Variants in BRINP3 observed in about 807,000 individuals in gnomAD.
The protein encoded by BRINP3 is BMP/retinoic acid-inducible neural-specific protein 3.
A neutral mutation model predicts 71.0 loss-of-function variants in BRINP3; 19 were observed. The observed-to-expected ratio is 0.27, with a 90% CI of 0.19 to 0.39. The LOEUF (loss-of-function observed/expected upper bound fraction) is 0.39, where lower values mean the gene tolerates loss of function less well. Among genes scored for constraint, BRINP3 ranks in the 10% least tolerant of loss-of-function variants. The pLI, the probability that BRINP3 is intolerant of heterozygous loss-of-function variation, is 1.00. For missense variants in BRINP3, 959 were observed against 940.8 expected (o/e 1.02, Z -0.25); for synonymous variants, 380 against 337.7 (o/e 1.13, Z -1.37).
intron 4 of BRINP3, among the ~76,000 whole-genome samples, chr1:190,252,457 G>C (rs1660235306): frequency 1.3e-5 from 2 of 152,080 alleles, no homozygotes; most frequent in Non-Finnish European, 2.9e-5. Context: ...TGAAGCAGAA[G>C]AAATATGAGG....
At chr1:190,155,487 C>G (rs558718495) in intron 7 of BRINP3, among the ~76,000 whole-genome samples, 11 of 152,052 alleles carry the variant, frequency 7.2e-5, no homozygotes, top group African/African-American at 2.6e-4. Flanking sequence ...AAACTTTTAC[C>G]AACACTTCAT....
intron 7 of BRINP3, among the ~76,000 whole-genome samples, chr1:190,144,112 T>C (rs1042307776): frequency 5.9e-5 from 9 of 152,132 alleles, no homozygotes; most frequent in African/African-American, 1.9e-4. Flanking sequence ...TGTACAGGCA[T>C]AGGAGACACA....
rs1001865785 is a variant in BRINP3, at chr1:190,310,876, C to A, written c.237-29126G>T. Among the ~76,000 whole-genome samples the A allele has an allele frequency of 3.3e-5, 5 of 151,742 alleles. No individual in the cohort carries two copies. The East Asian group carries it at 9.7e-4, about 29-fold the overall frequency. ...AATAAATTAAATTAATAGATTAGCC[C>A]ATGATGCATAACAAAGCAGCTATTT... On this transcript the variant is annotated intron_variant, in intron 2 of 7. Transcript: ENST00000367462.
intron 7 of BRINP3, among the ~76,000 whole-genome samples, chr1:190,113,961 A>G (rs1397916267): frequency 6.6e-6 from 1 of 152,208 alleles, no homozygotes; most frequent in East Asian, 1.9e-4. Context: ...AGACTCAGGA[A>G]TCCTATGTGT....
intron 5 of BRINP3, among the ~76,000 whole-genome samples, chr1:190,229,643 AAAAC>A (rs1180914974): frequency 8.1e-5 from 7 of 86,458 alleles, no homozygotes; most frequent in African/African-American, 2.8e-4. Context: ...AAAACAAAAC[AAAAC>A]ACACACACAC....
chr1:190,200,861 C>T (rs1443914815), intron 6 of BRINP3, among the ~76,000 whole-genome samples: 1 of 152,078 alleles, frequency 6.6e-6, no homozygotes, highest in Non-Finnish European at 1.5e-5. Flanking sequence ...GATTGTGAGG[C>T]CTCCCAACCC....
intron 2 of BRINP3, among the ~76,000 whole-genome samples, chr1:190,415,506 A>T (rs1019952228): frequency 6.6e-6 from 1 of 152,216 alleles, no homozygotes; most frequent in African/African-American, 2.4e-5. Context: ...CACATCAGGG[A>T]ACAACTTTTA....
intron 6 of BRINP3, among the ~76,000 whole-genome samples, chr1:190,190,384 T>G (rs1199010523): frequency 1.3e-5 from 2 of 152,100 alleles, no homozygotes; most frequent in Non-Finnish European, 2.9e-5. Flanking sequence ...CTTTTTCCCA[T>G]CTTAAATGCA....
chr1:190,132,750 A>T (rs1654645441), intron 7 of BRINP3, among the ~76,000 whole-genome samples: 1 of 152,094 alleles, frequency 6.6e-6, no homozygotes, highest in Admixed American at 6.6e-5. Context: ...GGGCTTAATT[A>T]CCCTTTCCTT....
intron 2 of BRINP3, among the ~76,000 whole-genome samples, chr1:190,313,651 G>A (rs1268958770): frequency 1.3e-5 from 2 of 151,920 alleles, no homozygotes; most frequent in African/African-American, 2.4e-5. Context: ...TGGGCACTCT[G>A]ATAAGTACTG....
At chr1:190,451,406 T>G (rs1675596219) in intron 2 of BRINP3, among the ~76,000 whole-genome samples, 1 of 152,190 alleles carries the variant, frequency 6.6e-6, no homozygotes, top group Non-Finnish European at 1.5e-5. Flanking sequence ...GAGAAGATTA[T>G]ACATATCCTG....
chr1:190,398,705 T>C (rs185740931), intron 2 of BRINP3, among the ~76,000 whole-genome samples: 4 of 152,212 alleles, frequency 2.6e-5, no homozygotes, highest in South Asian at 4.1e-4. Flanking sequence ...CATAGTGTTT[T>C]ATGTTTACAT....
Position 190,184,330 on chromosome 1 carries a change from T to C in BRINP3, c.962-23440A>G, listed in dbSNP as rs144785353. Among the ~76,000 whole-genome samples the C allele has an allele frequency of 2.0e-3, 309 of 152,274 alleles. 1 individual carries two copies. The highest frequency in any genetic ancestry group is 7.1e-3 in the African/African-American group (296 of 41,586). ...CTGTGGAAAGCCATCTGAAGATTTCTCAAAGAACTTAAAACAGAGCTACCA... is the reference window on the plus strand; with the variant it reads ...CTGTGGAAAGCCATCTGAAGATTTCCCAAAGAACTTAAAACAGAGCTACCA... On this transcript the variant is annotated intron_variant, in intron 6 of 7. Coordinates refer to ENST00000367462, the MANE Select transcript of BRINP3 (RefSeq NM_199051.3).
At position 190,133,307 on chromosome 1, in the gene BRINP3, G is replaced by T. The variant is rs560240651; in HGVS notation, c.1184+27361C>A. Among the ~76,000 whole-genome samples, 5 of 152,154 alleles carry T rather than the reference G, an allele frequency of 3.3e-5. No individual in the cohort carries two copies. In the East Asian group the frequency reaches 7.7e-4, roughly 24 times the overall value. Reference sequence around the variant, plus strand: ...ATAATGTAAAATAGTTTATTATGTGGTTTTAAATGATTAATTTAACAAATA... The same window carrying T: ...ATAATGTAAAATAGTTTATTATGTGTTTTTAAATGATTAATTTAACAAATA... On this transcript the variant is annotated intron_variant, in intron 7 of 7. Coordinates refer to ENST00000367462, the MANE Select transcript of BRINP3 (RefSeq NM_199051.3).
intron 2 of BRINP3, among the ~76,000 whole-genome samples, chr1:190,453,868 C>G (rs151029820): frequency 1.4e-3 from 210 of 152,160 alleles, no homozygotes; most frequent in African/African-American, 4.9e-3. Context: ...AAACCATTAA[C>G]TAGGAATTGT....
At chr1:190,112,630 T>C (rs1156566544) in intron 7 of BRINP3, among the ~76,000 whole-genome samples, 3 of 152,216 alleles carry the variant, frequency 2.0e-5, no homozygotes, top group Non-Finnish European at 4.4e-5. Flanking sequence ...TTTTTCCTTT[T>C]CTAAAGAATC....
intron 1 of BRINP3, among the ~76,000 whole-genome samples, chr1:190,474,067 T>C (rs1278129853): frequency 1.3e-5 from 2 of 152,210 alleles, no homozygotes; most frequent in African/African-American, 4.8e-5. Flanking sequence ...GCAATGTTTT[T>C]AATGCATTTC....
At chr1:190,111,676 C>G (rs1052626751) in intron 7 of BRINP3, among the ~76,000 whole-genome samples, 2 of 152,136 alleles carry the variant, frequency 1.3e-5, no homozygotes, top group African/African-American at 4.8e-5. Flanking sequence ...CTTTCTGCTA[C>G]TCACCCTGAA....
intron 2 of BRINP3, among the ~76,000 whole-genome samples, chr1:190,403,298 T>G (rs1195808055): frequency 6.6e-6 from 1 of 152,178 alleles, no homozygotes; most frequent in East Asian, 1.9e-4. Context: ...AATTCTGGCT[T>G]AAATAGAAAA....
Sources: gnomAD v4.1 joint callset for allele counts (sites outside exome capture counted in the v4.1 genomes callset) on GRCh38, gnomAD v4.1.1 for gene constraint, MANE v1.5 for transcripts, NCBI Gene and HGNC (gene_info 2026-07-23, HGNC 2026-07-21) for gene names.